Variants in CHRNA7 observed in about 807,000 individuals in gnomAD.
CHRNA7 encodes neuronal acetylcholine receptor subunit alpha-7.
A neutral mutation model predicts 48.0 loss-of-function variants in CHRNA7; 17 were observed. The ratio of observed to expected loss-of-function variants is 0.35; its 90% confidence interval spans 0.24 to 0.53. CHRNA7 has a LOEUF of 0.53. Ranked by LOEUF, CHRNA7 falls within the 20% of genes least tolerant of loss-of-function variation. The pLI is 0.92. For synonymous variants in CHRNA7, 75 were observed against 242.3 expected (o/e 0.31, Z 6.41); for missense variants, 155 against 577.7 (o/e 0.27, Z 7.50).
At chr15:32,137,058 G>A (rs200476956) in intron 4 of CHRNA7, among the ~76,000 whole-genome samples, 276 of 120,076 alleles carry the variant, frequency 2.3e-3, no homozygotes, top group Middle Eastern at 4.5e-3. Flanking sequence ...AAAAAAAAAA[G>A]AAAACAGGAG....
chr15:32,057,656 G>A (rs922643777), intron 2 of CHRNA7, among the ~76,000 whole-genome samples: 2 of 152,078 alleles, frequency 1.3e-5, no homozygotes, highest in Admixed American at 6.5e-5. Context: ...TACTTTTTAA[G>A]CCTTTGATCA....
At chr15:32,085,354 A>G (rs2050278931) in intron 2 of CHRNA7, among the ~76,000 whole-genome samples, 1 of 152,242 alleles carries the variant, frequency 6.6e-6, no homozygotes, top group Non-Finnish European at 1.5e-5. Context: ...ATAGATCATT[A>G]GCCGTCTCTG....
intron 2 of CHRNA7, among the ~76,000 whole-genome samples, chr15:32,044,286 T>TC (rs1566798018): frequency 2.7e-4 from 41 of 151,656 alleles, no homozygotes; most frequent in African/African-American, 8.0e-4. Context: ...CTTCCTTCCT[T>TC]CTTTTTTTGG....
At chr15:32,031,155 A>G (rs1349522894) in intron 2 of CHRNA7, 118 bp downstream of exon 2, 2 of 1,223,968 alleles carry the variant, frequency 1.6e-6, no homozygotes, top group South Asian at 1.4e-5. Context: ...GTTGGCCCCA[A>G]GCTAGGCAGG....
intron 2 of CHRNA7, among the ~76,000 whole-genome samples, chr15:32,075,022 T>C (rs1297547983): frequency 6.6e-6 from 1 of 152,186 alleles, no homozygotes; most frequent in Non-Finnish European, 1.5e-5. Context: ...AGTTTTATAT[T>C]GATTGATTTT....
chr15:32,035,659 C>T (rs111655228), intron 2 of CHRNA7, among the ~76,000 whole-genome samples: 1 of 152,060 alleles, frequency 6.6e-6, no homozygotes, highest in East Asian at 1.9e-4. Context: ...ATTCATTAGC[C>T]ACTATTTAAA....
chr15:32,153,070 A>T (rs1381113527), intron 4 of CHRNA7, among the ~76,000 whole-genome samples: 2 of 152,160 alleles, frequency 1.3e-5, no homozygotes, highest in African/African-American at 4.8e-5. Flanking sequence ...TGGAGCTGGA[A>T]GCCCTCTGGG....
chr15:32,059,944 CAAAAAAAAAAAAA>C (rs34200550), intron 2 of CHRNA7, among the ~76,000 whole-genome samples: 13 of 33,050 alleles, frequency 3.9e-4, no homozygotes, highest in African/African-American at 1.4e-3. Context: ...AGTAGAAAAG[CAAAAAAAAAAAAA>C]AAAAAAAAAA....
At position 32,085,214 on chromosome 15, in the gene CHRNA7, G is replaced by A. The variant is rs1595429417; in HGVS notation, c.196-16089G>A. 2.0e-5 allele frequency among the ~76,000 whole-genome samples: 3 copies of A among 152,198 alleles called. No homozygotes were observed. In the East Asian group the frequency reaches 5.8e-4, roughly 29 times the overall value. On this transcript the variant is annotated intron_variant, in intron 2 of 9. Coordinates refer to ENST00000306901, the MANE Select transcript of CHRNA7 (RefSeq NM_000746.6). ...TATTTAAATAAGCTTAGGAGCATCTGCAAACTTAGAAAGTTTCCTGCCTTT... is the reference window on the plus strand; with the variant it reads ...TATTTAAATAAGCTTAGGAGCATCTACAAACTTAGAAAGTTTCCTGCCTTT...
intron 2 of CHRNA7, among the ~76,000 whole-genome samples, chr15:32,044,243 C>T (rs181354193): frequency 4.0e-5 from 6 of 148,376 alleles, no homozygotes; most frequent in East Asian, 2.1e-4. Flanking sequence ...CCAGATCGAT[C>T]GATCTTTTCC....
At chr15:32,084,791 C>T (rs567523867) in intron 2 of CHRNA7, among the ~76,000 whole-genome samples, 6 of 151,964 alleles carry the variant, frequency 3.9e-5, no homozygotes, top group South Asian at 2.1e-4. Flanking sequence ...GCTGCCTGCA[C>T]GGCCTGCACT....
At position 32,085,323 on chromosome 15, in the gene CHRNA7, A is replaced by G. The variant is rs142932125; in HGVS notation, c.196-15980A>G. ...TTATCCCAATTAATGTTTTTCAAAC[A>G]TTAGAGTGCCTGACATTGTGATAGA... On this transcript the variant is annotated intron_variant, in intron 2 of 9. Transcript: ENST00000306901. Among the ~76,000 whole-genome samples the G allele has an allele frequency of 4.1e-4, 62 of 152,332 alleles. 1 individual carries two copies. The East Asian group carries it at 0.011, about 28-fold the overall frequency.
chr15:32,059,156 A>T (rs903403634), intron 2 of CHRNA7, among the ~76,000 whole-genome samples: 4 of 152,036 alleles, frequency 2.6e-5, no homozygotes, highest in African/African-American at 9.7e-5. Flanking sequence ...GGTGCACACC[A>T]CCATGCCCAG....
chr15:32,040,515 T>C (rs2049428437), intron 2 of CHRNA7, among the ~76,000 whole-genome samples: 1 of 152,000 alleles, frequency 6.6e-6, no homozygotes, highest in Non-Finnish European at 1.5e-5. Context: ...ATGAGAGCAC[T>C]TTATAATGCA....
intron 4 of CHRNA7, among the ~76,000 whole-genome samples, chr15:32,119,608 CA>C (rs1485268787): frequency 6.6e-6 from 1 of 151,866 alleles, no homozygotes; most frequent in Non-Finnish European, 1.5e-5. Flanking sequence ...ATTTTTGTTT[CA>C]GTTCCTTTTT....
intron 3 of CHRNA7, 200 bp downstream of exon 3, chr15:32,101,547 C>G (rs1244644976): frequency 3.4e-6 from 2 of 583,560 alleles, no homozygotes; most frequent in Non-Finnish European, 6.0e-6. Flanking sequence ...GTCTGCAGTG[C>G]TCAACACATG....
chr15:32,045,116 A>G (rs1232482462), intron 2 of CHRNA7, among the ~76,000 whole-genome samples: 1 of 152,144 alleles, frequency 6.6e-6, no homozygotes, highest in African/African-American at 2.4e-5. Context: ...TCTAGCTCTC[A>G]AGCTTGTTCT....
chr15:32,075,521 T>C (rs1378758991), intron 2 of CHRNA7, among the ~76,000 whole-genome samples: 1 of 152,168 alleles, frequency 6.6e-6, no homozygotes, highest in Non-Finnish European at 1.5e-5. Flanking sequence ...TATCCTTTGA[T>C]ATCTGCAGGA....
intron 4 of CHRNA7, among the ~76,000 whole-genome samples, chr15:32,122,768 T>C (rs560537225): frequency 6.6e-6 from 1 of 152,176 alleles, no homozygotes; most frequent in East Asian, 1.9e-4. Context: ...CATTTATGCA[T>C]GTGCCAATAC....
Sources: gnomAD v4.1 joint callset for allele counts (sites outside exome capture counted in the v4.1 genomes callset) on GRCh38, gnomAD v4.1.1 for gene constraint, MANE v1.5 for transcripts, NCBI Gene and HGNC (gene_info 2026-07-23, HGNC 2026-07-21) for gene names.